PDE3B: variants seen among roughly 807,000 people sequenced by gnomAD.
PDE3B encodes the protein cGMP-inhibited 3',5'-cyclic phosphodiesterase 3B.
Under a neutral mutation model 116.8 loss-of-function variants are expected in PDE3B, and 66 were observed. That is an observed-to-expected ratio of 0.56 (90% CI 0.46 to 0.69). The LOEUF (loss-of-function observed/expected upper bound fraction) is 0.69, where lower values mean the gene tolerates loss of function less well. Among genes scored for constraint, PDE3B ranks in the 30% least tolerant of loss-of-function variants. PDE3B has a pLI of 0.00. For missense variants in PDE3B, 1,384 were observed against 1,368.1 expected (o/e 1.01, Z -0.18); for synonymous variants, 595 against 533.6 (o/e 1.12, Z -1.59).
chr11:14,808,458 T>C (rs1002370952), intron 5 of PDE3B, among the ~76,000 whole-genome samples: 15 of 152,172 alleles, frequency 9.9e-5, no homozygotes, highest in African/African-American at 3.6e-4. Context: ...ATCCCTGAAG[T>C]GGATTGGATT....
intron 5 of PDE3B, among the ~76,000 whole-genome samples, chr11:14,805,873 C>T (rs1019975226): frequency 6.6e-6 from 1 of 152,052 alleles, no homozygotes; most frequent in African/African-American, 2.4e-5. Context: ...TTTATGCAGC[C>T]AACAGACATA....
intron 1 of PDE3B, among the ~76,000 whole-genome samples, chr11:14,676,593 C>A (rs1854538037): frequency 6.6e-6 from 1 of 152,068 alleles, no homozygotes; most frequent in Non-Finnish European, 1.5e-5. Context: ...TTACTGTACA[C>A]TATTATGGAC....
chr11:14,816,134 A>C (rs1193657871), intron 5 of PDE3B, among the ~76,000 whole-genome samples: 2 of 152,184 alleles, frequency 1.3e-5, no homozygotes, highest in Non-Finnish European at 2.9e-5. Context: ...TTTCCTCTTT[A>C]TGAGACCTCA....
chr11:14,740,103 A>G (rs1244174316), intron 1 of PDE3B, among the ~76,000 whole-genome samples: 1 of 152,172 alleles, frequency 6.6e-6, no homozygotes, highest in Non-Finnish European at 1.5e-5. Flanking sequence ...TATCTGGATG[A>G]TGCTAAACTC....
chr11:14,848,493 A>G (rs993362289), intron 12 of PDE3B, among the ~76,000 whole-genome samples: 10 of 152,020 alleles, frequency 6.6e-5, no homozygotes, highest in African/African-American at 1.7e-4. Context: ...GGCCAGGGCA[A>G]TTAGGCAGGA....
chr11:14,771,847 G>C, intron 1 of PDE3B, 90 bp from the exon 2 acceptor site: 1 of 497,740 alleles, frequency 2.0e-6, no homozygotes, highest in South Asian at 4.7e-5. Context: ...AGCTATATTA[G>C]ATAATTATAA....
chr11:14,707,217 C>T (rs1460115892), intron 1 of PDE3B, among the ~76,000 whole-genome samples: 2 of 151,862 alleles, frequency 1.3e-5, no homozygotes, highest in Non-Finnish European at 2.9e-5. Context: ...GAGCGAAGAC[C>T]TGAGATGAAG....
chr11:14,674,221 T>C (rs1406945054), intron 1 of PDE3B: 2 of 1,243,942 alleles, frequency 1.6e-6, no homozygotes, highest in Non-Finnish European at 1.2e-6. Flanking sequence ...CTGTTTGTTC[T>C]TTTTTGTTTT....
intron 1 of PDE3B, among the ~76,000 whole-genome samples, chr11:14,658,377 A>T (rs1853779228): frequency 6.6e-6 from 1 of 151,014 alleles, no homozygotes; most frequent in South Asian, 2.1e-4. Context: ...TTTTTTTGAG[A>T]TGGAGTCCTG....
intron 7 of PDE3B, among the ~76,000 whole-genome samples, chr11:14,828,756 TC>T (rs1859780283): frequency 6.6e-6 from 1 of 152,192 alleles, no homozygotes; most frequent in Admixed American, 6.5e-5. Flanking sequence ...GTGTGGTGAT[TC>T]CTCAAAGACC....
At chr11:14,736,181 T>C (rs1856593288) in intron 1 of PDE3B, among the ~76,000 whole-genome samples, 1 of 152,136 alleles carries the variant, frequency 6.6e-6, no homozygotes, top group South Asian at 2.1e-4. Context: ...GAAGCCCAGT[T>C]GAGGGCGGCC....
At chr11:14,762,154 C>G (rs930204533) in intron 1 of PDE3B, among the ~76,000 whole-genome samples, 5 of 143,758 alleles carry the variant, frequency 3.5e-5, no homozygotes, top group African/African-American at 1.0e-4. Flanking sequence ...GGATTTTATA[C>G]TTTTTTTTTT....
At position 14,826,618 on chromosome 11, in the gene PDE3B, G is replaced by A. The variant is rs539346018; in HGVS notation, c.1808-4080G>A. On this transcript the variant is annotated intron_variant, in intron 7 of 15. Transcript: ENST00000282096. ...AATAAGAAGCTCCAAAACGGAATCT[G>A]TAATAAATAGCCCACCAACCAAAAT... Among the ~76,000 whole-genome samples the A allele has an allele frequency of 2.0e-5, 3 of 152,186 alleles. No individual in the cohort carries two copies. In the South Asian group the frequency reaches 6.2e-4, roughly 32 times the overall value.
At chr11:14,794,259 A>G (rs531529656) in intron 4 of PDE3B, among the ~76,000 whole-genome samples, 19 of 152,274 alleles carry the variant, frequency 1.2e-4, no homozygotes, top group African/African-American at 4.3e-4. Flanking sequence ...CAGGCAAGCA[A>G]GCAATTCTGT....
At chr11:14,890,269 C>T in the PDE3B span, among the ~76,000 whole-genome samples, 1 of 151,012 alleles carries the variant, frequency 6.6e-6, no homozygotes, top group African/African-American at 2.4e-5. Context: ...GGCAGAAGAC[C>T]TGACCTCTAG....
intron 1 of PDE3B, chr11:14,673,600 G>A (rs1398536135): frequency 4.2e-5 from 26 of 612,338 alleles, no homozygotes; most frequent in South Asian, 2.8e-4. Context: ...CTCTCAGGAC[G>A]GTTCTCAGGA....
At chr11:14,799,146 G>T (rs752053459) in intron 4 of PDE3B, among the ~76,000 whole-genome samples, 4 of 152,060 alleles carry the variant, frequency 2.6e-5, no homozygotes, top group Non-Finnish European at 4.4e-5. Flanking sequence ...TGTTCTCATT[G>T]GTTTCATAAA....
At chr11:14,886,837 G>A in the PDE3B span, 2 of 152,302 alleles carry the variant, frequency 1.3e-5, no homozygotes, top group South Asian at 2.1e-4. Context: ...AAAACAGGAG[G>A]CTTAGCAGAG....
chr11:14,878,111 C>G, the PDE3B span: 1 of 1,612,618 alleles, frequency 6.2e-7, no homozygotes, highest in Non-Finnish European at 8.5e-7. Context: ...CCGAAAACAT[C>G]CCAGGCAGTT....
Sources: gnomAD v4.1 joint callset for allele counts (sites outside exome capture counted in the v4.1 genomes callset) on GRCh38, gnomAD v4.1.1 for gene constraint, MANE v1.5 for transcripts, NCBI Gene and HGNC (gene_info 2026-07-23, HGNC 2026-07-21) for gene names.